ASB9: variants seen among roughly 807,000 people sequenced by gnomAD.
ASB9 encodes ankyrin repeat and SOCS box protein 9.
A neutral mutation model predicts 16.6 loss-of-function variants in ASB9; 5 were observed. The ratio of observed to expected loss-of-function variants is 0.30; its 90% confidence interval spans 0.16 to 0.63. The LOEUF is 0.63. Ranked by LOEUF, ASB9 falls within the 30% of genes least tolerant of loss-of-function variation. The probability of loss-of-function intolerance (pLI) is 0.82; values close to 1 mark genes in which losing one functional copy is unlikely to be tolerated. For missense variants in ASB9, 216 were observed against 229.4 expected (o/e 0.94, Z 0.38); for synonymous variants, 100 against 86.4 (o/e 1.16, Z -0.87).
intron 4 of ASB9, among the ~76,000 whole-genome samples, chrX:15,251,149 A>G (rs1316734443): frequency 8.9e-6 from 1 of 112,249 alleles, no homozygotes; most frequent in East Asian, 2.8e-4. Flanking sequence ...CACCTTTTTC[A>G]ATTGTCTGTG....
Position 15,250,590 on chromosome X carries a change from C to G in ASB9, c.434-26G>C, listed in dbSNP as rs778128633. ...CTGCAGCCCAAAGCAGGAAGAAAAACAGTTACAATACAAGTTCCCTTAGCT... is the reference window on the plus strand; with the variant it reads ...CTGCAGCCCAAAGCAGGAAGAAAAAGAGTTACAATACAAGTTCCCTTAGCT... On this transcript the variant is annotated intron_variant, in intron 4 of 6. Transcript: ENST00000380488. 5 of 1,182,818 alleles carry G rather than the reference C, an allele frequency of 4.2e-6. No individual in the cohort carries two copies. In the African/African-American group the frequency reaches 8.8e-5, roughly 21 times the overall value.
chrX:15,256,311 CTTT>C (rs756206331), intron 2 of ASB9, among the ~76,000 whole-genome samples: 3 of 57,356 alleles, frequency 5.2e-5, no homozygotes, highest in Admixed American at 2.2e-4. Context: ...GCCTAAGATT[CTTT>C]TTTTTTTTTT....
intron 6 of ASB9, 118 bp downstream of exon 6, chrX:15,248,626 G>A: frequency 9.3e-7 from 1 of 1,079,240 alleles, no homozygotes; most frequent in Non-Finnish European, 1.2e-6. Context: ...CAGATTTGGT[G>A]ATGTCAGAGA....
intron 6 of ASB9, among the ~76,000 whole-genome samples, chrX:15,247,060 A>C (rs914937469): frequency 8.9e-6 from 1 of 111,844 alleles, no homozygotes; most frequent in African/African-American, 3.3e-5. Flanking sequence ...CAGTAATTGA[A>C]TAAATTCCCT....
rs764635429 is a variant in ASB9 at position 15,264,511 on chromosome X, A to G, written c.94+5270T>C. Among the ~76,000 whole-genome samples, 3 of 111,520 alleles carry G rather than the reference A, an allele frequency of 2.7e-5. No individual in the cohort carries two copies. The East Asian group carries it at 8.4e-4, about 31-fold the overall frequency. Reference sequence around the variant, plus strand: ...AATCTCTATAAAGAGTTGGTTGCCCATTTTTATAGCCTTTCCTCCCTCCCT... The same window carrying G: ...AATCTCTATAAAGAGTTGGTTGCCCGTTTTTATAGCCTTTCCTCCCTCCCT... On this transcript the variant is annotated intron_variant, in intron 1 of 6. Transcript: ENST00000380488.
At chrX:15,268,225 G>A (rs933479937) in intron 1 of ASB9, among the ~76,000 whole-genome samples, 10 of 106,598 alleles carry the variant, frequency 9.4e-5, no homozygotes, top group Admixed American at 3.0e-4. Context: ...CCAGCTACTC[G>A]GGAGGCTGAG....
intron 6 of ASB9, 92 bp downstream of exon 6, chrX:15,248,652 G>A (rs752616180): frequency 2.7e-6 from 3 of 1,124,124 alleles, no homozygotes; most frequent in Middle Eastern, 2.7e-4. Context: ...CTTTTTATAG[G>A]AATGGGAGCC....
intron 6 of ASB9, among the ~76,000 whole-genome samples, chrX:15,247,422 A>G (rs1924760624): frequency 8.9e-6 from 1 of 111,848 alleles, no homozygotes; most frequent in Non-Finnish European, 1.9e-5. Flanking sequence ...GCAATTTGAG[A>G]ATGCTATGAG....
At chrX:15,263,242 A>G (rs747222424) in intron 1 of ASB9, among the ~76,000 whole-genome samples, 1 of 111,447 alleles carries the variant, frequency 9.0e-6, no homozygotes, top group Non-Finnish European at 1.9e-5. Context: ...CAAGGAGACA[A>G]AAAAGAAGTC....
intron 1 of ASB9, 82 bp downstream of exon 1, chrX:15,269,699 G>A: frequency 1.3e-6 from 1 of 784,723 alleles, no homozygotes. Context: ...CTCACACAGA[G>A]CCACTGAAAC....
intron 5 of ASB9, among the ~76,000 whole-genome samples, chrX:15,250,210 C>T (rs55748844): frequency 9.7e-6 from 1 of 103,188 alleles, no homozygotes; most frequent in Non-Finnish European, 2.0e-5. Context: ...CATCATCATC[C>T]TCCTCCTCCT....
At chrX:15,256,311 CT>C (rs756206331) in intron 2 of ASB9, among the ~76,000 whole-genome samples, 1,509 of 57,340 alleles carry the variant, frequency 0.026, 19 homozygotes, top group African/African-American at 0.083. Flanking sequence ...GCCTAAGATT[CT>C]TTTTTTTTTT....
At chrX:15,268,771 G>A (rs745517274) in intron 1 of ASB9, among the ~76,000 whole-genome samples, 6 of 105,323 alleles carry the variant, frequency 5.7e-5, no homozygotes, top group Non-Finnish European at 1.2e-4. Context: ...TCGAGATCGC[G>A]CCACTGCACT....
At position 15,249,615 on chromosome X, in the gene ASB9, C is replaced by T. The variant is rs1924939638; in HGVS notation, c.569-680G>A. Among the ~76,000 whole-genome samples, 4 of 112,509 alleles carry T rather than the reference C, an allele frequency of 3.6e-5. No individual in the cohort carries two copies. The South Asian group carries it at 1.5e-3, about 42-fold the overall frequency. On this transcript the variant is annotated intron_variant, in intron 5 of 6. Transcript: ENST00000380488. ...TGGCTTTGCCTGAGCTGCCATCCCT[C>T]TGGTAAAATGAAAATCTATGTCCAC...
At chrX:15,261,381 G>A (rs1190259400) in intron 1 of ASB9, among the ~76,000 whole-genome samples, 7 of 111,353 alleles carry the variant, frequency 6.3e-5, no homozygotes, top group African/African-American at 2.3e-4. Flanking sequence ...TTTTCCAAGT[G>A]CTCAGCTGCT....
rs1024302660 is a variant in ASB9, at chrX:15,252,469, A to G, written c.283-65T>C. 16 of 1,023,905 alleles carry G rather than the reference A, an allele frequency of 1.6e-5. No individual in the cohort carries two copies. In the African/African-American group the frequency reaches 2.8e-4, roughly 18 times the overall value. The allele number at this position is 1,023,905 out of a possible 1,213,427, so 84.4% of individuals were successfully genotyped here. On this transcript the variant is annotated intron_variant, in intron 3 of 6. Transcript: ENST00000380488. The stretch of plus-strand genomic sequence containing the variant: ...TGTTTTGGGTTCAAATGTGGGGTCC[A>G]CCACTCTGAAGATGTTATTTAACAT...
chrX:15,250,520 T>C lies in ASB9; in HGVS notation c.478A>G (p.Ile160Val). 1 of 1,209,572 alleles carries C rather than the reference T, an allele frequency of 8.3e-7. No individual in the cohort carries two copies. ...CCCAGGTGGCTGATCTTATGGTCAA[T>C]GTTGCCCCCATAAGCTATAAGAGAG... is the stretch of plus-strand genomic sequence containing the variant. ...VNSLIAYGGN[I>V]DHKISHLGTP... Residue 160 changes from isoleucine (I) to valine (V), a missense_variant, in exon 5 of 7, where the codon ATT becomes GTT. Coordinates refer to ENST00000380488, the MANE Select transcript of ASB9 (RefSeq NM_001031739.3).
chrX:15,260,999 A>G (rs1925926175), intron 1 of ASB9, among the ~76,000 whole-genome samples: 1 of 111,891 alleles, frequency 8.9e-6, no homozygotes, highest in African/African-American at 3.2e-5. Flanking sequence ...TGGGGTCACT[A>G]AAGGTGCTTG....
At chrX:15,252,047 G>C (rs1288477093) in intron 4 of ASB9, among the ~76,000 whole-genome samples, 1 of 112,364 alleles carries the variant, frequency 8.9e-6, no homozygotes, top group Non-Finnish European at 1.9e-5. Context: ...ACAGAGGGCT[G>C]AGCCCCATCC....
Sources: allele counts gnomAD v4.1 joint callset (sites outside exome capture counted in the v4.1 genomes callset), GRCh38; gene constraint gnomAD v4.1.1; transcripts MANE v1.5; gene names NCBI Gene and HGNC (gene_info 2026-07-23, HGNC 2026-07-21).